The following CABLES1 variants were observed in gnomAD, a reference collection of about 807,000 sequenced individuals.
The protein encoded by CABLES1 is Cdk5 and Abl enzyme substrate 1, also known as CDK5 and ABL1 enzyme substrate 1.
Under a neutral mutation model 57.8 loss-of-function variants are expected in CABLES1, and 36 were observed. The observed-to-expected ratio is 0.62, with a 90% CI of 0.48 to 0.82. The LOEUF (loss-of-function observed/expected upper bound fraction) is 0.82, where lower values mean the gene tolerates loss of function less well. Ranked by LOEUF, CABLES1 falls within the 40% of genes least tolerant of loss-of-function variation. CABLES1 has a pLI of 0.00. For missense variants in CABLES1, 767 were observed against 836.6 expected (o/e 0.92, Z 1.03); for synonymous variants, 374 against 363.0 (o/e 1.03, Z -0.35).
intron 7 of CABLES1, among the ~76,000 whole-genome samples, chr18:23,252,491 G>A (rs1304091668): frequency 2.0e-5 from 3 of 152,200 alleles, no homozygotes; most frequent in East Asian, 1.9e-4. Context: ...AGAAAGCTGC[G>A]TGAAGTAGGC....
chr18:23,239,039 G>T (rs2047672260), intron 7 of CABLES1, among the ~76,000 whole-genome samples: 1 of 152,186 alleles, frequency 6.6e-6, no homozygotes, highest in South Asian at 2.1e-4. Flanking sequence ...CCTTTTATAG[G>T]CCTAGTGTTG....
chr18:23,231,104 G>A (rs1033929457), intron 4 of CABLES1, among the ~76,000 whole-genome samples: 3 of 152,128 alleles, frequency 2.0e-5, no homozygotes, highest in African/African-American at 7.2e-5. Flanking sequence ...ATCCCCAGAG[G>A]CAATAGGCAG....
At chr18:23,231,263 C>T (rs1369460929) in intron 4 of CABLES1, among the ~76,000 whole-genome samples, 3 of 152,198 alleles carry the variant, frequency 2.0e-5, no homozygotes, top group Non-Finnish European at 2.9e-5. Context: ...TCACTAGCCA[C>T]ATGTGGCAAT....
chr18:23,134,749 C>T (rs1307644675), upstream of CABLES1: 1 of 152,106 alleles, frequency 6.6e-6, no homozygotes, highest in Non-Finnish European at 1.5e-5. Flanking sequence ...TTTGCGTTGT[C>T]CTTTGCTAAG....
chr18:23,193,301 C>T (rs1027223748), intron 2 of CABLES1, among the ~76,000 whole-genome samples: 1 of 151,902 alleles, frequency 6.6e-6, no homozygotes, highest in African/African-American at 2.4e-5. Flanking sequence ...AAGCGATTCT[C>T]CTGCCTCAGC....
At chr18:23,209,461 C>T (rs2047387916) in intron 3 of CABLES1, among the ~76,000 whole-genome samples, 1 of 152,152 alleles carries the variant, frequency 6.6e-6, no homozygotes, top group Non-Finnish European at 1.5e-5. Context: ...TAGGCGTATT[C>T]TTTCTTGCTT....
In CABLES1 at chr18:23,236,038, G is replaced by A. The variant is rs761459679; in HGVS notation, c.1329G>A (p.Gly443=). The change falls in exon 6 of 10, where the codon GGG becomes GGA. Residue 443 remains glycine (G), a synonymous_variant. Coordinates refer to ENST00000256925, the MANE Select transcript of CABLES1 (RefSeq NM_001100619.3). ...TAGGCCGGGCAAGCGGCACCCAGGG[G>A]AGCCTCGACACAGGTAACCTTGGCC... ...LSIGRASGTQ[G]SLDTGSDLGD... is the part of the protein sequence containing the mutation. 1.2e-6 allele frequency: 2 copies of A among 1,614,154 alleles called. No individual in the cohort carries two copies. The highest frequency in any genetic ancestry group is 1.7e-5 in the Admixed American group (1 of 60,028).
At chr18:23,202,511 C>CTCTA (rs544585262) in intron 3 of CABLES1, among the ~76,000 whole-genome samples, 48 of 152,320 alleles carry the variant, frequency 3.2e-4, no homozygotes, top group African/African-American at 1.2e-3. Context: ...CTCTAACCTG[C>CTCTA]ATCTTCACTG....
intron 3 of CABLES1, among the ~76,000 whole-genome samples, chr18:23,205,504 A>C (rs901777484): frequency 3.9e-5 from 6 of 151,944 alleles, no homozygotes; most frequent in Non-Finnish European, 8.8e-5. Flanking sequence ...GGACATTCTC[A>C]CTTCTGTGAC....
intron 3 of CABLES1, among the ~76,000 whole-genome samples, chr18:23,194,867 T>C (rs1041374059): frequency 6.6e-6 from 1 of 152,238 alleles, no homozygotes; most frequent in Non-Finnish European, 1.5e-5. Context: ...TATTTGTTTA[T>C]CTGCTTTGTT....
chr18:23,175,229 G>C (rs1416157814), intron 1 of CABLES1, among the ~76,000 whole-genome samples: 1 of 152,146 alleles, frequency 6.6e-6, no homozygotes, highest in East Asian at 1.9e-4. Context: ...CAGTGATTGA[G>C]ATATAAGTCA....
Position 23,254,040 on chromosome 18 carries a change from C to G in CABLES1, c.1761+104C>G, listed in dbSNP as rs532536411. On this transcript the variant is annotated intron_variant, in intron 9 of 9. Coordinates refer to ENST00000256925, the MANE Select transcript of CABLES1 (RefSeq NM_001100619.3). ...GACCCTGCCTGGAAGGATTCTGATC[C>G]TTAGTCAGCAATTGAGGTGAAGGCT... The G allele has an allele frequency of 3.2e-6, 3 of 934,656 alleles. No individual in the cohort carries two copies. In the African/African-American group the frequency reaches 4.9e-5, roughly 15 times the overall value. 57.9% of individuals were successfully genotyped at this position (934,656 alleles called of 1,614,324 possible).
At chr18:23,189,202 A>G (rs1410750063) in intron 2 of CABLES1, 1 of 347,546 alleles carries the variant, frequency 2.9e-6, no homozygotes, top group Non-Finnish European at 5.3e-6. Context: ...ACAAGAGCCC[A>G]GCATTGTCCC....
chr18:23,249,770 T>C (rs2047992429), intron 7 of CABLES1, among the ~76,000 whole-genome samples: 1 of 152,028 alleles, frequency 6.6e-6, no homozygotes, highest in South Asian at 2.1e-4. Flanking sequence ...CCGACAGCCC[T>C]TTCCACTGCT....
At chr18:23,212,087 C>G (rs2047409238) in intron 3 of CABLES1, among the ~76,000 whole-genome samples, 1 of 152,346 alleles carries the variant, frequency 6.6e-6, no homozygotes, top group South Asian at 2.1e-4. Context: ...TGTAGACAGC[C>G]ATGCATGGGG....
chr18:23,155,818 G>A (rs1343202966), intron 1 of CABLES1: 5 of 1,604,018 alleles, frequency 3.1e-6, no homozygotes, highest in Non-Finnish European at 4.2e-6. Context: ...TGCTTGCTTA[G>A]CCTCCAGGCC....
At chr18:23,221,946 G>A (rs1035168256) in intron 4 of CABLES1, among the ~76,000 whole-genome samples, 4 of 152,168 alleles carry the variant, frequency 2.6e-5, no homozygotes, top group South Asian at 2.1e-4. Flanking sequence ...ACCACGGGTC[G>A]CTAAGAAGCT....
At chr18:23,137,001 C>T (rs1388062615) in intron 1 of CABLES1, among the ~76,000 whole-genome samples, 2 of 152,222 alleles carry the variant, frequency 1.3e-5, no homozygotes, top group Non-Finnish European at 2.9e-5. Flanking sequence ...CAGAGTGGAG[C>T]AGTGCAGGCC....
At chr18:23,256,704 C>CA (rs1296776866) in intron 9 of CABLES1, among the ~76,000 whole-genome samples, 2 of 152,122 alleles carry the variant, frequency 1.3e-5, no homozygotes, top group African/African-American at 4.8e-5. Flanking sequence ...AGGCTGGTCT[C>CA]AAACTCCCGA....
Sources: gnomAD v4.1 joint callset for allele counts (sites outside exome capture counted in the v4.1 genomes callset) on GRCh38, gnomAD v4.1.1 for gene constraint, MANE v1.5 for transcripts, NCBI Gene and HGNC (gene_info 2026-07-23, HGNC 2026-07-21) for gene names.